PEPD: variants seen among roughly 807,000 people sequenced by gnomAD.
PEPD encodes the protein xaa-Pro dipeptidase.
In PEPD, 53 loss-of-function variants were observed where a neutral mutation model predicts 60.7. The ratio of observed to expected loss-of-function variants is 0.87; its 90% CI spans 0.70 to 1.10. The LOEUF (loss-of-function observed/expected upper bound fraction) is 1.10, where lower values mean the gene tolerates loss of function less well. PEPD is among the 50% of genes least tolerant of loss of function. PEPD has a pLI of 0.00. For missense variants in PEPD, 711 were observed against 711.9 expected (o/e 1.00, Z 0.01); for synonymous variants, 267 against 284.1 (o/e 0.94, Z 0.60).
chr19:33,407,341 C>T (rs1968652055), intron 11 of PEPD, among the ~76,000 whole-genome samples: 1 of 152,264 alleles, frequency 6.6e-6, no homozygotes, highest in African/African-American at 2.4e-5. Flanking sequence ...GACCATGCGC[C>T]CCCTGCCCTA....
chr19:33,393,531 C>T (rs117420358), intron 12 of PEPD, among the ~76,000 whole-genome samples: 5,059 of 139,288 alleles, frequency 0.036, 140 homozygotes, highest in Middle Eastern at 0.072. Context: ...GCCCCACCTC[C>T]GTGAGCCTCA....
At chr19:33,399,720 G>A (rs562004485) in intron 12 of PEPD, among the ~76,000 whole-genome samples, 7 of 152,280 alleles carry the variant, frequency 4.6e-5, no homozygotes, top group East Asian at 3.9e-4. Flanking sequence ...TCAGTCGACC[G>A]CCGAGCCATC....
At chr19:33,394,177 G>T (rs1213839260) in intron 12 of PEPD, among the ~76,000 whole-genome samples, 1 of 152,234 alleles carries the variant, frequency 6.6e-6, no homozygotes, top group Non-Finnish European at 1.5e-5. Flanking sequence ...CCTGTGAGTG[G>T]CTCGTGCCCC....
intron 6 of PEPD, among the ~76,000 whole-genome samples, chr19:33,481,325 G>T (rs574133515): frequency 1.1e-3 from 173 of 152,316 alleles, no homozygotes; most frequent in Admixed American, 4.1e-3. Context: ...CCAGCACTTT[G>T]GGAGGCTAAG....
At chr19:33,498,385 C>T (rs531586449) in intron 4 of PEPD, among the ~76,000 whole-genome samples, 90 of 152,324 alleles carry the variant, frequency 5.9e-4, no homozygotes, top group African/African-American at 2.2e-3. Flanking sequence ...CTTCCCTGCC[C>T]TAACACTCAA....
intron 9 of PEPD, among the ~76,000 whole-genome samples, chr19:33,439,026 A>G (rs564747968): frequency 2.0e-5 from 3 of 152,320 alleles, no homozygotes. Context: ...CTAGTCAAAC[A>G]GGGGCCTATG....
intron 5 of PEPD, among the ~76,000 whole-genome samples, 161 bp downstream of exon 5, chr19:33,493,129 G>A (rs768406058): frequency 1.3e-5 from 2 of 152,104 alleles, no homozygotes; most frequent in Admixed American, 1.3e-4. Flanking sequence ...CTCCCACCTT[G>A]CCTCTCAAGG....
At chr19:33,436,709 A>G (rs1325833804) in intron 9 of PEPD, among the ~76,000 whole-genome samples, 1 of 152,196 alleles carries the variant, frequency 6.6e-6, no homozygotes, top group Non-Finnish European at 1.5e-5. Flanking sequence ...GCCAGAACTG[A>G]GCCAGCGCTC....
chr19:33,496,472 G>A (rs529523966), intron 4 of PEPD, among the ~76,000 whole-genome samples: 1 of 152,076 alleles, frequency 6.6e-6, no homozygotes, highest in African/African-American at 2.4e-5. Flanking sequence ...AACCTCTCCC[G>A]ACCTGGCAGC....
chr19:33,393,999 C>A (rs545951584), intron 12 of PEPD, among the ~76,000 whole-genome samples: 2 of 152,260 alleles, frequency 1.3e-5, no homozygotes, highest in African/African-American at 4.8e-5. Flanking sequence ...TCTCCTTGCA[C>A]GGTCCATCCA....
chr19:33,462,913 C>T lies in PEPD; in HGVS notation c.671+82G>A, dbSNP rs1460913468. 5.7e-5 allele frequency: 48 copies of T among 836,588 alleles called. No individual in the cohort carries two copies. In the Admixed American group the frequency reaches 7.1e-4, roughly 12 times the overall value. 51.8% of individuals were successfully genotyped at this position (836,588 alleles called of 1,614,324 possible). ...GCTCACGGTGTGTGTGCCACTGCGG[C>T]GTCTCATCTGTTACTCACTCAGGGA... On this transcript the variant is annotated intron_variant, in intron 9 of 14. Coordinates refer to ENST00000244137, the MANE Select transcript of PEPD (RefSeq NM_000285.4).
intron 7 of PEPD, among the ~76,000 whole-genome samples, chr19:33,475,851 G>A (rs919985882): frequency 6.6e-6 from 1 of 152,122 alleles, no homozygotes; most frequent in African/African-American, 2.4e-5. Context: ...TTACGGACAA[G>A]TCAGGCATTT....
intron 9 of PEPD, among the ~76,000 whole-genome samples, chr19:33,455,665 G>A (rs1373141614): frequency 6.9e-6 from 1 of 144,434 alleles, no homozygotes; most frequent in Non-Finnish European, 1.5e-5. Context: ...ACCACACTCA[G>A]CTAATTAAAA....
chr19:33,474,670 C>T (rs1970184230), intron 7 of PEPD, among the ~76,000 whole-genome samples: 1 of 151,232 alleles, frequency 6.6e-6, no homozygotes, highest in East Asian at 2.0e-4. Flanking sequence ...GGTGACAGAG[C>T]AAGACTTCAT....
At chr19:33,442,834 G>A (rs941042439) in intron 9 of PEPD, among the ~76,000 whole-genome samples, 4 of 152,196 alleles carry the variant, frequency 2.6e-5, no homozygotes, top group Admixed American at 2.0e-4. Flanking sequence ...TTATAGACAC[G>A]TGCAGGGCCC....
At chr19:33,512,550 C>T in intron 2 of PEPD, 43 bp downstream of exon 2, 1 of 1,587,616 alleles carries the variant, frequency 6.3e-7, no homozygotes, top group Non-Finnish European at 8.6e-7. Flanking sequence ...GACAGCAGCA[C>T]CATCACACAC....
intron 11 of PEPD, among the ~76,000 whole-genome samples, chr19:33,406,420 G>A (rs139791349): frequency 2.0e-5 from 3 of 152,360 alleles, no homozygotes; most frequent in African/African-American, 2.4e-5. Flanking sequence ...GGGATGGGAC[G>A]GCCATGCCTG....
At chr19:33,473,640 T>C (rs1053747126) in intron 7 of PEPD, among the ~76,000 whole-genome samples, 11 of 152,230 alleles carry the variant, frequency 7.2e-5, no homozygotes, top group African/African-American at 2.7e-4. Context: ...GGCACTGAGC[T>C]ATCAGGTGGT....
intron 3 of PEPD, among the ~76,000 whole-genome samples, chr19:33,510,308 G>A (rs1970896441): frequency 6.6e-6 from 1 of 152,166 alleles, no homozygotes; most frequent in Admixed American, 6.5e-5. Flanking sequence ...TAATAGGCAA[G>A]AAGGAAGGGA....
Sources: gnomAD v4.1 joint callset for allele counts (sites outside exome capture counted in the v4.1 genomes callset) on GRCh38, gnomAD v4.1.1 for gene constraint, MANE v1.5 for transcripts, NCBI Gene and HGNC (gene_info 2026-07-23, HGNC 2026-07-21) for gene names.